Variants in KLHL25 observed in about 807,000 individuals in gnomAD.
The protein encoded by KLHL25 is kelch like family member 25, also known as kelch-like protein 25.
Under a neutral mutation model 30.0 loss-of-function variants are expected in KLHL25, and 41 were observed. The observed-to-expected ratio is 1.37, with a 90% CI of 1.07 to 1.78. The LOEUF (loss-of-function observed/expected upper bound fraction) is 1.78, where lower values mean the gene tolerates loss of function less well. Ranked by LOEUF, KLHL25 falls within the 40% of genes most tolerant of loss-of-function variation. KLHL25 has a pLI of 0.00. For synonymous variants in KLHL25, 399 were observed against 355.3 expected (o/e 1.12, Z -1.38); for missense variants, 971 against 824.5 (o/e 1.18, Z -2.18).
At chr15:85,780,212 G>A (rs906742897) in intron 1 of KLHL25, among the ~76,000 whole-genome samples, 2 of 152,298 alleles carry the variant, frequency 1.3e-5, no homozygotes, top group Non-Finnish European at 1.5e-5. Flanking sequence ...TGCACCAGAC[G>A]GGAGTAATGC....
rs868380612 is a variant in KLHL25, at chr15:85,776,937, T to A, written c.-10-7117A>T. On this transcript the variant is annotated intron_variant, in intron 1 of 2. Transcript: ENST00000337975. ...AAGACTCCATCTCAAAAAAAATAAA[T>A]AAATAAATAAATAAATAACAGATCT... Among the ~76,000 whole-genome samples, 1,271 of 147,110 alleles carry A rather than the reference T, an allele frequency of 8.6e-3. 14 individuals carry two copies. The highest frequency in any genetic ancestry group is 0.01 in the Admixed American group (149 of 14,830).
At chr15:85,783,826 T>C (rs2089761148) in intron 1 of KLHL25, among the ~76,000 whole-genome samples, 1 of 152,052 alleles carries the variant, frequency 6.6e-6, no homozygotes, top group Non-Finnish European at 1.5e-5. Flanking sequence ...ACCAGGAAGG[T>C]TAGATGCTAA....
In KLHL25 at chr15:85,768,361, A is replaced by G. The variant is rs377039452; in HGVS notation, c.1450T>C (p.Tyr484His). The G allele has an allele frequency of 3.1e-6, 5 of 1,613,584 alleles. No homozygotes were observed. Among genetic ancestry groups the G allele is most frequent in the Non-Finnish European group, 4.2e-6 (5 of 1,180,030 alleles). ...CTGCCCAGGACGGCAGCGGCTGTGT[A>G]CCGCCAAGGCTGGGGGCACTCGGCC... is the stretch of plus-strand genomic sequence containing the variant. ...IKAECPQPWR[Y>H]TAAAVLGSQI... The change falls in exon 2 of 3, where the codon TAC becomes CAC. Residue 484 changes from tyrosine (Y) to histidine (H), a missense_variant. Transcript: ENST00000337975.
intron 2 of KLHL25, among the ~76,000 whole-genome samples, chr15:85,765,705 G>A (rs934447668): frequency 3.3e-5 from 5 of 151,160 alleles, no homozygotes; most frequent in African/African-American, 1.2e-4. Context: ...GGTGGCACAC[G>A]TCTGTAATCC....
chr15:85,760,970 G>C lies in KLHL25; in HGVS notation c.*66C>G, dbSNP rs2089578019. The C allele has an allele frequency of 6.6e-6, 1 of 152,666 alleles. No individual in the cohort carries two copies. The highest frequency in any genetic ancestry group is 2.4e-5 in the African/African-American group (1 of 41,608). 9.5% of individuals were successfully genotyped at this position (152,666 alleles called of 1,614,324 possible). A position where few individuals can be genotyped will look rare whatever the true frequency, so the allele number is the denominator to read the frequency against. ...CCAGGGCCGGCTTAGCTCCCGCTGT[G>C]GCAGACAAGCAAGGCCACGCTGTGA... On this transcript the variant is annotated 3_prime_UTR_variant, in exon 3 of 3. Transcript: ENST00000337975.
intron 1 of KLHL25, among the ~76,000 whole-genome samples, chr15:85,783,544 TAGAC>T (rs984443926): frequency 1.7e-4 from 26 of 151,820 alleles, no homozygotes; most frequent in Non-Finnish European, 1.5e-5. Flanking sequence ...ATAGAAAAAT[TAGAC>T]AGGCTTGGTG....
intron 1 of KLHL25, among the ~76,000 whole-genome samples, chr15:85,785,443 C>G (rs1158700935): frequency 6.6e-6 from 1 of 152,224 alleles, no homozygotes; most frequent in Non-Finnish European, 1.5e-5. Flanking sequence ...TAGTATAGAG[C>G]AGGTTCTCAA....
chr15:85,783,124 T>C (rs76791471), intron 1 of KLHL25, among the ~76,000 whole-genome samples: 6,279 of 152,228 alleles, frequency 0.041, 412 homozygotes, highest in African/African-American at 0.14. Context: ...TTTTGAGACA[T>C]AGTCTCACTC....
In KLHL25 at chr15:85,768,796, CG is replaced by C. The variant is rs776388683; in HGVS notation, c.1014del (p.Ile338MetfsTer7). On this transcript the variant is annotated frameshift_variant, in exon 2 of 3. Coordinates refer to ENST00000337975, the MANE Select transcript of KLHL25 (RefSeq NM_022480.4). LOFTEE classifies it high-confidence loss of function. ...CCCCCCGTCACATAGACCTTGCAGC[CG>C]ATCGCTGAGGCGCTGAACTCCTTCC... ...SPRKEFSASA[I>X]GCKVYVTGGR... 6.2e-7 allele frequency: 1 copy of C among 1,613,292 alleles called. No homozygotes were observed. The highest frequency in any genetic ancestry group is 8.5e-7 in the Non-Finnish European group (1 of 1,180,044).
At chr15:85,763,154 T>C (rs1301265918) in intron 2 of KLHL25, 1 of 152,440 alleles carries the variant, frequency 6.6e-6, no homozygotes. Flanking sequence ...TCACCCTTAG[T>C]GGGTAAGCGG....
chr15:85,776,075 T>C lies in KLHL25; in HGVS notation c.-10-6255A>G, dbSNP rs577410415. ...GTAGTCCCAGCTACTCGGGAGGTTATAGCATGAGAACTGCTTGAACCCAGC... is the reference window on the plus strand; with the variant it reads ...GTAGTCCCAGCTACTCGGGAGGTTACAGCATGAGAACTGCTTGAACCCAGC... On this transcript the variant is annotated intron_variant, in intron 1 of 2. Coordinates refer to ENST00000337975, the MANE Select transcript of KLHL25 (RefSeq NM_022480.4). 1.1e-4 allele frequency among the ~76,000 whole-genome samples: 17 copies of C among 150,112 alleles called. No homozygotes were observed. In the East Asian group the frequency reaches 2.8e-3, roughly 24 times the overall value.
chr15:85,770,086 C>T (rs183804410), intron 1 of KLHL25, among the ~76,000 whole-genome samples: 3 of 152,230 alleles, frequency 2.0e-5, no homozygotes, highest in African/African-American at 4.8e-5. Context: ...AGATGAGCCA[C>T]CCCCTAGGCA....
In KLHL25 at chr15:85,769,416, A is replaced by G. The variant is rs2089652869; in HGVS notation, c.395T>C (p.Val132Ala). ...CAGGAACTCGGCGGCAGCATCCCGC[A>G]CATCGTGGAACTGCAGCATGTCGCC... ...EAGDMLQFHD[V>A]RDAAAEFLEK... The change falls in exon 2 of 3, where the codon GTG (valine) becomes GCG (alanine). Residue 132 changes from valine (V) to alanine (A), a missense_variant. By Grantham distance (64) the Val-to-Ala change is moderately conservative. Coordinates refer to ENST00000337975, the MANE Select transcript of KLHL25 (RefSeq NM_022480.4). The G allele has an allele frequency of 6.2e-7, 1 of 1,614,040 alleles. No individual in the cohort carries two copies. The highest frequency in any genetic ancestry group is 8.5e-7 in the Non-Finnish European group (1 of 1,180,048).
At position 85,764,895 on chromosome 15, in the gene KLHL25, T is replaced by C. The variant is rs2089609158; in HGVS notation, c.*24+3122A>G. ...GAAGCTGAGCCTCAGGGGAATCAAG[T>C]AGCCAGTCCAGGGTGAAGCAGCCAA... is the stretch of plus-strand genomic sequence containing the variant. On this transcript the variant is annotated intron_variant, in intron 2 of 2. Transcript: ENST00000337975. Among the ~76,000 whole-genome samples, 3 of 152,218 alleles carry C rather than the reference T, an allele frequency of 2.0e-5. No homozygotes were observed. In the South Asian group the frequency reaches 6.2e-4, roughly 32 times the overall value.
chr15:85,790,365 G>A (rs895088016), intron 1 of KLHL25, among the ~76,000 whole-genome samples: 2 of 152,170 alleles, frequency 1.3e-5, no homozygotes, highest in Non-Finnish European at 2.9e-5. Flanking sequence ...TGGGATTACA[G>A]GGGTGAGCCA....
intron 1 of KLHL25, among the ~76,000 whole-genome samples, chr15:85,776,148 G>A (rs1162188154): frequency 7.3e-5 from 11 of 150,616 alleles, no homozygotes; most frequent in Non-Finnish European, 1.3e-4. Context: ...ACTCCAGCCT[G>A]GGCGACAGAG....
At chr15:85,777,552 G>A (rs1249507604) in intron 1 of KLHL25, among the ~76,000 whole-genome samples, 1 of 152,234 alleles carries the variant, frequency 6.6e-6, no homozygotes, top group Non-Finnish European at 1.5e-5. Flanking sequence ...TTCTCCACAT[G>A]CTCCAGCCTT....
At position 85,788,056 on chromosome 15, in the gene KLHL25, CAAAAAAAAAAA is replaced by C. The variant is rs60547525; in HGVS notation, c.-11+6699_-11+6709del. Among the ~76,000 whole-genome samples, 3 of 58,306 alleles carry C rather than the reference CAAAAAAAAAAA, an allele frequency of 5.1e-5. No individual in the cohort carries two copies. In the East Asian group the frequency reaches 1.4e-3, roughly 27 times the overall value. The allele number at this position is 58,306 out of a possible 152,430, so 38.3% of individuals were successfully genotyped here. The stretch of plus-strand genomic sequence containing the variant: ...GGGCAATGAGAGGGAAACTAGATCT[CAAAAAAAAAAA>C]AAAAAAAAAAAGGAAATCCATTGAT... On this transcript the variant is annotated intron_variant, in intron 1 of 2. Coordinates refer to ENST00000337975, the MANE Select transcript of KLHL25 (RefSeq NM_022480.4).
chr15:85,783,760 G>C (rs1008276003), intron 1 of KLHL25, among the ~76,000 whole-genome samples: 1 of 151,970 alleles, frequency 6.6e-6, no homozygotes, highest in African/African-American at 2.4e-5. Flanking sequence ...CTCTTTTCTG[G>C]ATGGTGTTCC....
Sources: gnomAD v4.1 joint callset for allele counts (sites outside exome capture counted in the v4.1 genomes callset) on GRCh38, gnomAD v4.1.1 for gene constraint, MANE v1.5 for transcripts, NCBI Gene and HGNC (gene_info 2026-07-23, HGNC 2026-07-21) for gene names.